Variants in ZNF280D observed in about 807,000 individuals in gnomAD.
ZNF280D encodes the protein zinc finger protein 280D.
A neutral mutation model predicts 94.7 loss-of-function variants in ZNF280D; 39 were observed. The observed-to-expected ratio is 0.41, with a 90% CI of 0.32 to 0.54. ZNF280D has a LOEUF of 0.54. Among genes scored for constraint, ZNF280D ranks in the 20% least tolerant of loss-of-function variants. The probability of loss-of-function intolerance (pLI) is 0.22; values close to 1 mark genes in which losing one functional copy is unlikely to be tolerated. For missense variants in ZNF280D, 1,090 were observed against 1,149.3 expected, an observed-to-expected ratio of 0.95 and a Z score of 0.75; for synonymous variants, 398 against 377.6, an observed-to-expected ratio of 1.05 and a Z score of -0.63.
chr15:56,693,098 C>G lies in ZNF280D; in HGVS notation c.499G>C (p.Gly167Arg). The change falls in exon 7 of 22, where the codon GGT becomes CGT. Residue 167 changes from glycine (G) to arginine (R), a missense_variant and splice_region_variant. Around this residue, in one of 3 missense-constraint regions of ZNF280D, gnomAD observed 386 missense variants for 372.0 expected, o/e 1.04. Coordinates refer to ENST00000267807, the MANE Select transcript of ZNF280D (RefSeq NM_017661.4). Reference sequence around the variant, plus strand: ...TTATGAAAAAAATACTAAAACCAACCTGCCATAGAAAGTGTTGGTCCCCCT... The same window carrying G: ...TTATGAAAAAAATACTAAAACCAACGTGCCATAGAAAGTGTTGGTCCCCCT... The part of the protein sequence containing the change: ...YQGGPTLSMA[G>R]MSESSFLSKR... 1 of 1,580,976 alleles carries G rather than the reference C, an allele frequency of 6.3e-7. No individual in the cohort carries two copies. Among genetic ancestry groups the G allele is most frequent in the Non-Finnish European group, 8.7e-7 (1 of 1,155,338 alleles).
At chr15:56,672,863 A>G (rs1164345166) in intron 13 of ZNF280D, among the ~76,000 whole-genome samples, 1 of 151,778 alleles carries the variant, frequency 6.6e-6, no homozygotes, top group Non-Finnish European at 1.5e-5. Context: ...TTTTCTTAAC[A>G]CAAGGTCTCA....
At chr15:56,722,819 G>A (rs1169228214) in intron 1 of ZNF280D, among the ~76,000 whole-genome samples, 75 of 151,818 alleles carry the variant, frequency 4.9e-4, no homozygotes, top group Non-Finnish European at 7.9e-4. Context: ...CAAAGACTTG[G>A]AACCAACCCA....
chr15:56,676,037 C>A (rs1237711603), intron 13 of ZNF280D, among the ~76,000 whole-genome samples: 1 of 151,404 alleles, frequency 6.6e-6, no homozygotes, highest in Non-Finnish European at 1.5e-5. Flanking sequence ...GGGGTACAAG[C>A]ACTAATATTG....
chr15:56,729,302 C>G (rs1166986079), intron 1 of ZNF280D, among the ~76,000 whole-genome samples: 1 of 152,186 alleles, frequency 6.6e-6, no homozygotes, highest in African/African-American at 2.4e-5. Flanking sequence ...CTGAATATCA[C>G]ACAGCATCAA....
chr15:56,669,873 T>TTATATATATATATATATATATATAA (rs71113014), intron 13 of ZNF280D, among the ~76,000 whole-genome samples: 1 of 8,482 alleles, frequency 1.2e-4, no homozygotes, highest in African/African-American at 4.1e-4. Context: ...TATATATATT[T>TTATATATATATATATATATATATAA]TATATATATA....
chr15:56,686,161 G>A (rs2055998883), intron 9 of ZNF280D, among the ~76,000 whole-genome samples: 1 of 152,076 alleles, frequency 6.6e-6, no homozygotes, highest in African/African-American at 2.4e-5. Flanking sequence ...TTATTTTTGA[G>A]ACAGTCTCAC....
chr15:56,673,930 T>A (rs1226776284), intron 13 of ZNF280D, among the ~76,000 whole-genome samples: 1 of 152,024 alleles, frequency 6.6e-6, no homozygotes, highest in East Asian at 1.9e-4. Context: ...CCCCAATCTT[T>A]AGCACTCCTC....
chr15:56,686,059 G>C (rs2055990254), intron 9 of ZNF280D, among the ~76,000 whole-genome samples: 1 of 152,146 alleles, frequency 6.6e-6, no homozygotes, highest in African/African-American at 2.4e-5. Context: ...CATCAAAGTA[G>C]AATTTGGGCT....
intron 1 of ZNF280D, among the ~76,000 whole-genome samples, chr15:56,713,009 G>A (rs2057852528): frequency 6.6e-6 from 1 of 152,042 alleles, no homozygotes; most frequent in Non-Finnish European, 1.5e-5. Flanking sequence ...CAAAGTGCTG[G>A]CATTACAGGT....
rs1223330070 is a variant in ZNF280D, at chr15:56,677,599, G to A, written c.1238C>T (p.Pro413Leu). Reference sequence around the variant, plus strand: ...CTGGCAGACATATGGCATTTCACCAGGTTTATGATTGTCCTTCATATGTTG... The same window carrying A: ...CTGGCAGACATATGGCATTTCACCAAGTTTATGATTGTCCTTCATATGTTG... ...LLQHMKDNHK[P>L]GEMPYVCQVC... is the part of the protein sequence containing the mutation. The change falls in exon 12 of 22, where the codon CCT (proline) becomes CTT (leucine). Residue 413 changes from proline (P) to leucine (L), a missense_variant. By Grantham distance (98) the Pro-to-Leu change is moderately conservative (BLOSUM62 -3). Transcript: ENST00000267807. 6.2e-7 allele frequency: 1 copy of A among 1,609,504 alleles called. No homozygotes were observed. The highest frequency in any genetic ancestry group is 8.5e-7 in the Non-Finnish European group (1 of 1,177,468).
chr15:56,686,965 C>T (rs1262484875), intron 9 of ZNF280D, among the ~76,000 whole-genome samples: 3 of 151,298 alleles, frequency 2.0e-5, no homozygotes, highest in Admixed American at 2.0e-4. Flanking sequence ...AATATTTTTC[C>T]ATTGAAAGAA....
At chr15:56,669,933 ATATT>A (rs1157323522) in intron 13 of ZNF280D, among the ~76,000 whole-genome samples, 1 of 10,058 alleles carries the variant, frequency 9.9e-5, no homozygotes, top group Admixed American at 1.5e-3. Flanking sequence ...TATTATATAT[ATATT>A]ATATATATAT....
chr15:56,669,888 TTATA>T (rs1224664079), intron 13 of ZNF280D, among the ~76,000 whole-genome samples: 1 of 4,768 alleles, frequency 2.1e-4, no homozygotes, highest in Admixed American at 5.4e-3. Flanking sequence ...TATATATATA[TTATA>T]TATATATATA....
At chr15:56,653,790 A>T in intron 19 of ZNF280D, 25 of 1,264,444 alleles carry the variant, frequency 2.0e-5, no homozygotes, top group Non-Finnish European at 2.5e-5. Context: ...TTGTAAGCAA[A>T]GAAAAGACCA....
rs865798155 is a variant in ZNF280D at position 56,693,194 on chromosome 15, G to A, written c.403C>T (p.Arg135Ter). Reference sequence around the variant, plus strand: ...TCTGATGACTTATTAGACACAACTCGTGATGAGTTTGTTATATAACCCTGT... The same window carrying A: ...TCTGATGACTTATTAGACACAACTCATGATGAGTTTGTTATATAACCCTGT... The part of the protein sequence containing the change: ...SKPGYITNSS[R>*]VVSNKSSELL... Residue 135 changes from arginine to a stop codon, truncating the protein, a stop_gained, in exon 7 of 22, where the codon CGA (arginine) becomes TGA (stop). Transcript: ENST00000267807. LOFTEE classifies it high-confidence loss of function. 2.5e-6 allele frequency: 4 copies of A among 1,589,254 alleles called. No homozygotes were observed. The highest frequency in any genetic ancestry group is 3.4e-6 in the Non-Finnish European group (4 of 1,168,632).
chr15:56,729,923 T>C (rs1213125306), intron 1 of ZNF280D: 2 of 152,238 alleles, frequency 1.3e-5, no homozygotes, highest in Non-Finnish European at 2.9e-5. Flanking sequence ...TGTAATTAAA[T>C]GCATGAAATA....
intron 3 of ZNF280D, among the ~76,000 whole-genome samples, chr15:56,704,680 G>T (rs918941727): frequency 1.8e-4 from 27 of 152,248 alleles, no homozygotes; most frequent in African/African-American, 6.3e-4. Context: ...AACTAAACCA[G>T]ATTCAAGAAT....
chr15:56,682,144 G>T, intron 10 of ZNF280D, 110 bp downstream of exon 10: 1 of 735,526 alleles, frequency 1.4e-6, no homozygotes, highest in Non-Finnish European at 2.2e-6. Flanking sequence ...TCAGTAGAAA[G>T]TGTTAAAATC....
intron 1 of ZNF280D, among the ~76,000 whole-genome samples, chr15:56,723,456 G>A (rs2058477895): frequency 6.6e-6 from 1 of 152,142 alleles, no homozygotes; most frequent in African/African-American, 2.4e-5. Flanking sequence ...TGGAATTAGT[G>A]TTGACAGTTG....
Sources: allele counts gnomAD v4.1 joint callset (sites outside exome capture counted in the v4.1 genomes callset), GRCh38; gene constraint gnomAD v4.1.1; regional missense constraint gnomAD v4.1.1; transcripts MANE v1.5; gene names NCBI Gene and HGNC (gene_info 2026-07-23, HGNC 2026-07-21).